The following MPP2 variants were observed in gnomAD, a reference collection of about 807,000 sequenced individuals.
MPP2 encodes the protein MAGUK p55 scaffold protein 2, also known as MAGUK p55 subfamily member 2.
MPP2 carries 42 observed loss-of-function variants against 58.5 expected under a neutral mutation model. That is an observed-to-expected ratio of 0.72 (90% CI 0.56 to 0.93). MPP2 has a LOEUF of 0.93. Ranked by LOEUF, MPP2 falls within the 40% of genes least tolerant of loss-of-function variation. The probability of loss-of-function intolerance (pLI) is 0.00; values close to 1 mark genes in which losing one functional copy is unlikely to be tolerated. For missense variants in MPP2, 632 were observed against 760.4 expected (o/e 0.83, Z 1.99); for synonymous variants, 300 against 307.8 (o/e 0.97, Z 0.26).
At chr17:43,881,400 G>A (rs2047110887) in intron 7 of MPP2, 51 bp from the exon 8 acceptor site, 16 of 1,613,948 alleles carry the variant, frequency 9.9e-6, no homozygotes, top group Non-Finnish European at 1.4e-5. Context: ...ACCCCTCCCT[G>A]TGCCCTCGCC....
At chr17:43,884,621 G>A (rs2047287609) in intron 3 of MPP2, among the ~76,000 whole-genome samples, 1 of 152,206 alleles carries the variant, frequency 6.6e-6, no homozygotes, top group Admixed American at 6.5e-5. Flanking sequence ...CTTTTGACAA[G>A]AGTTCTACGT....
chr17:43,907,769 C>T (rs1176003138), upstream of MPP2: 1 of 985,388 alleles, frequency 1.0e-6, no homozygotes, highest in South Asian at 4.7e-5. Flanking sequence ...GGACTGGTAC[C>T]AGTACCCGCT....
chr17:43,893,538 C>G (rs231504), intron 3 of MPP2, among the ~76,000 whole-genome samples: 120,350 of 152,120 alleles, frequency 0.79, 48,905 homozygotes, highest in East Asian at 1. Flanking sequence ...TGGACCAGTA[C>G]TGATCCGTGG....
At chr17:43,891,013 C>T (rs780082163) in intron 3 of MPP2, among the ~76,000 whole-genome samples, 6 of 152,196 alleles carry the variant, frequency 3.9e-5, no homozygotes, top group Non-Finnish European at 7.3e-5. Context: ...TGTTACACAG[C>T]AAAAGTGAAC....
intron 2 of MPP2, chr17:43,901,389 T>G: frequency 1.0e-6 from 1 of 985,450 alleles, no homozygotes; most frequent in African/African-American, 1.7e-5. Flanking sequence ...TGGAACTCAG[T>G]TCCCCAGAAA....
chr17:43,882,862 C>A (rs1207342746), intron 5 of MPP2, 41 bp downstream of exon 5: 1 of 1,611,670 alleles, frequency 6.2e-7, no homozygotes, highest in South Asian at 1.1e-5. Context: ...TCAATCCCCC[C>A]ACCCTCACCA....
rs1411048285 is a variant in MPP2 at position 43,880,954 on chromosome 17, G to A, written c.989-102C>T. ...AAGAGGGCTTGGAACAGGGGAGCAG[G>A]GGGGAGTCGGGCAGGGCCTAGGGAC... On this transcript the variant is annotated intron_variant, in intron 9 of 12. Transcript: ENST00000269095. This position sits in a 1 kb window ranked among gnomAD's most constrained non-coding sequence, Gnocchi z 5.2. The A allele has an allele frequency of 3.9e-6, 6 of 1,526,306 alleles. No individual in the cohort carries two copies. Among genetic ancestry groups the A allele is most frequent in the Non-Finnish European group, 5.4e-6 (6 of 1,118,266 alleles). The allele number at this position is 1,526,306 out of a possible 1,614,324, so 94.5% of individuals were successfully genotyped here.
chr17:43,895,288 T>C (rs1242137224), intron 3 of MPP2, among the ~76,000 whole-genome samples: 1 of 152,032 alleles, frequency 6.6e-6, no homozygotes, highest in Non-Finnish European at 1.5e-5. Context: ...TAATTCTATT[T>C]TTTTATAGAG....
At chr17:43,887,281 G>C (rs1239389619) in intron 3 of MPP2, among the ~76,000 whole-genome samples, 2 of 152,272 alleles carry the variant, frequency 1.3e-5, no homozygotes, top group East Asian at 3.9e-4. Context: ...TTACTTGGGA[G>C]GCTGAGGTGG....
At chr17:43,896,585 T>C (rs2047856981) in intron 3 of MPP2, among the ~76,000 whole-genome samples, 1 of 151,908 alleles carries the variant, frequency 6.6e-6, no homozygotes, top group South Asian at 2.1e-4. Context: ...ACCAGCTCCC[T>C]TCACAATTCC....
chr17:43,898,770 G>T (rs1290509751), intron 2 of MPP2, among the ~76,000 whole-genome samples: 1 of 152,202 alleles, frequency 6.6e-6, no homozygotes, highest in Non-Finnish European at 1.5e-5. Context: ...TTCAAGACCA[G>T]CCTGGGCAAC....
chr17:43,881,333 C>T lies in MPP2; in HGVS notation c.830G>A (p.Gly277Glu), dbSNP rs769270640. ...ANWWQACHVEGGSAGLIPSQL... is the reference protein window; with the variant it reads ...ANWWQACHVEEGSAGLIPSQL... ...GCTGGGAATGAGCCCAGCACTGCCCCCTTCGACATGGCATGCCTAAAACGG... is the reference window on the plus strand; with the variant it reads ...GCTGGGAATGAGCCCAGCACTGCCCTCTTCGACATGGCATGCCTAAAACGG... Residue 277 changes from glycine (G) to glutamate (E), a missense_variant, in exon 8 of 13, where the codon GGG becomes GAG. Coordinates refer to ENST00000269095, the MANE Select transcript of MPP2 (RefSeq NM_005374.5). 5 of 1,613,970 alleles carry T rather than the reference C, an allele frequency of 3.1e-6. No homozygotes were observed. The Admixed American group carries it at 5.0e-5, about 16-fold the overall frequency.
chr17:43,900,805 T>C (rs113990819), intron 2 of MPP2, among the ~76,000 whole-genome samples: 3,913 of 152,054 alleles, frequency 0.026, 126 homozygotes, highest in African/African-American at 0.079. Flanking sequence ...TCCCACAGAT[T>C]GCCCGATCCC....
chr17:43,884,069 C>T, intron 3 of MPP2: 1 of 701,922 alleles, frequency 1.4e-6, no homozygotes, highest in Non-Finnish European at 2.6e-6. Context: ...TTGCAGACAA[C>T]ACAAGCCACT....
chr17:43,894,862 G>A (rs1028625692), intron 3 of MPP2, among the ~76,000 whole-genome samples: 1 of 151,990 alleles, frequency 6.6e-6, no homozygotes, highest in African/African-American at 2.4e-5. Context: ...AGGATCATTT[G>A]AGCCCAGGAG....
At chr17:43,889,748 T>A (rs2047520908) in intron 3 of MPP2, among the ~76,000 whole-genome samples, 3 of 152,066 alleles carry the variant, frequency 2.0e-5, no homozygotes, top group Middle Eastern at 3.4e-3. Context: ...TCTACATACT[T>A]CTGAAATTCT....
rs770784900 is a variant in MPP2, at chr17:43,879,355, T to A, written c.1402A>T (p.Ile468Phe). The A allele has an allele frequency of 3.1e-6, 5 of 1,614,136 alleles. No homozygotes were observed. In the South Asian group the frequency reaches 5.5e-5, roughly 18 times the overall value. ...AGGGTCTCGAAGTCTGGGGCCTCGA[T>A]GAACACCACGTAAGGGACAAACTCG... ...TAEFVPYVVFIEAPDFETLRA... is the reference protein window; with the variant it reads ...TAEFVPYVVFFEAPDFETLRA... The change falls in exon 12 of 13, where the codon ATC (isoleucine) becomes TTC (phenylalanine). Residue 468 changes from isoleucine (I) to phenylalanine (F), a missense_variant. By Grantham distance (21) the Ile-to-Phe change is conservative. Coordinates refer to ENST00000269095, the MANE Select transcript of MPP2 (RefSeq NM_005374.5). The surrounding 1 kb of genome is among the most constrained non-coding windows in gnomAD (Gnocchi z 4.1).
intron 2 of MPP2, among the ~76,000 whole-genome samples, chr17:43,899,752 G>A (rs1457754501): frequency 1.3e-5 from 2 of 152,106 alleles, no homozygotes; most frequent in Non-Finnish European, 2.9e-5. Flanking sequence ...TGGAGGACAC[G>A]ATAACACCTG....
chr17:43,906,914 C>T (rs762593126), intron 1 of MPP2, among the ~76,000 whole-genome samples: 13 of 151,516 alleles, frequency 8.6e-5, no homozygotes, highest in Non-Finnish European at 1.8e-4. Context: ...CTTCTGGCAC[C>T]GGTCCCCTCC....
Sources: allele counts gnomAD v4.1 joint callset (sites outside exome capture counted in the v4.1 genomes callset), GRCh38; gene constraint gnomAD v4.1.1; non-coding constraint Gnocchi (gnomAD v3.1); transcripts MANE v1.5; gene names NCBI Gene and HGNC (gene_info 2026-07-23, HGNC 2026-07-21).